BICRA: variants seen among roughly 807,000 people sequenced by gnomAD.
The protein encoded by BICRA is BRD4-interacting chromatin-remodeling complex-associated protein.
A neutral mutation model predicts 96.9 loss-of-function variants in BICRA; 31 were observed. The observed-to-expected ratio is 0.32, with a 90% confidence interval of 0.24 to 0.43. The LOEUF (loss-of-function observed/expected upper bound fraction) is 0.43, where lower values mean the gene tolerates loss of function less well. BICRA is among the 20% of genes least tolerant of loss of function. The pLI, the probability that BICRA is intolerant of heterozygous loss-of-function variation, is 1.00. For synonymous variants in BICRA, 1,350 were observed against 1,071.8 expected, an observed-to-expected ratio of 1.26 and a Z score of -5.07; for missense variants, 2,283 against 2,190.3, an observed-to-expected ratio of 1.04 and a Z score of -0.84.
intron 2 of BICRA, 130 bp from the exon 3 acceptor site, chr19:47,673,440 A>C (rs1416010929): frequency 2.8e-6 from 2 of 725,824 alleles, no homozygotes; most frequent in Non-Finnish European, 4.9e-6. Flanking sequence ...GTCCCCATCT[A>C]TCCCCATGGA....
Position 47,617,450 on chromosome 19 carries a change from G to T in BICRA, c.-108+8282G>T, listed in dbSNP as rs568323851. Among the ~76,000 whole-genome samples, 8 of 151,544 alleles carry T rather than the reference G, an allele frequency of 5.3e-5. No homozygotes were observed. The East Asian group carries it at 1.6e-3, about 29-fold the overall frequency. ...GCCATATCGGCTCACTGCAACCTCC[G>T]CCTCCCAGGCTCCAGCAGTTCTCGT... is the stretch of plus-strand genomic sequence containing the variant. On this transcript the variant is annotated intron_variant, in intron 1 of 14. Transcript: ENST00000594866.
chr19:47,610,189 G>GGGAGGGATGGAGGAGGAGGGA (rs1486697862), intron 1 of BICRA, among the ~76,000 whole-genome samples: 1 of 152,230 alleles, frequency 6.6e-6, no homozygotes, highest in Non-Finnish European at 1.5e-5. Context: ...GGCACCCGGA[G>GGGAGGGATGGAGGAGGAGGGA]GGAGGGATGG....
chr19:47,685,780 T>TGCGCGC (rs1356497911), intron 7 of BICRA, among the ~76,000 whole-genome samples: 48 of 131,294 alleles, frequency 3.7e-4, no homozygotes, highest in East Asian at 3.0e-3. Context: ...TGTGTGTGTG[T>TGCGCGC]GTGTGTGCGC....
intron 1 of BICRA, among the ~76,000 whole-genome samples, chr19:47,649,767 A>G (rs1398140809): frequency 1.3e-5 from 2 of 152,196 alleles, no homozygotes; most frequent in African/African-American, 4.8e-5. Flanking sequence ...GTGGAAGGAG[A>G]TGAAATCAGA....
At chr19:47,622,745 AAATT>A in intron 1 of BICRA, among the ~76,000 whole-genome samples, 1 of 142,932 alleles carries the variant, frequency 7.0e-6, no homozygotes, top group Non-Finnish European at 1.5e-5. Context: ...AAAAAAAAAA[AAATT>A]TAGGAGTGGG....
Position 47,639,319 on chromosome 19 carries a change from ATTTTTTTTTT to A in BICRA, c.-108+30167_-108+30176del, listed in dbSNP as rs35509834. Among the ~76,000 whole-genome samples, 6 of 52,378 alleles carry A rather than the reference ATTTTTTTTTT, an allele frequency of 1.1e-4. No homozygotes were observed. In the Admixed American group the frequency reaches 1.9e-3, roughly 17 times the overall value. 34.4% of individuals were successfully genotyped at this position (52,378 alleles called of 152,430 possible). A position where few individuals can be genotyped will look rare whatever the true frequency, so the allele number is the denominator to read the frequency against. On this transcript the variant is annotated intron_variant, in intron 1 of 14. Transcript: ENST00000594866. ...CATGATGCCTTGCACCCCACCCTGCATTTTTTTTTTTTTTTTTTTTTTTTTGAGACAGAGT... is the reference window on the plus strand; with the variant it reads ...CATGATGCCTTGCACCCCACCCTGCATTTTTTTTTTTTTTTGAGACAGAGT...
Position 47,694,988 on chromosome 19 carries a change from C to T in BICRA, c.2984C>T (p.Pro995Leu). 2 of 1,551,338 alleles carry T rather than the reference C, an allele frequency of 1.3e-6. No homozygotes were observed. Among genetic ancestry groups the T allele is most frequent in the Non-Finnish European group, 1.7e-6 (2 of 1,157,102 alleles). The change falls in exon 9 of 15, where the codon CCC becomes CTC. Residue 995 changes from proline (P) to leucine (L), a missense_variant. By Grantham distance (98) the Pro-to-Leu change is moderately conservative. Transcript: ENST00000594866. ...TSTSLGPLTS[P>L]AASVLVSGQA... Reference sequence around the variant, plus strand: ...ACCAGCCTGGGGCCCCTCACCAGCCCCGCTGCGTCTGTGCTGGTCAGTGGG... The same window carrying T: ...ACCAGCCTGGGGCCCCTCACCAGCCTCGCTGCGTCTGTGCTGGTCAGTGGG...
At position 47,698,361 on chromosome 19, in the gene BICRA, T is replaced by G. The variant is rs117095708; in HGVS notation, c.3249-273T>G. Among the ~76,000 whole-genome samples, 2,962 of 152,258 alleles carry G rather than the reference T, an allele frequency of 0.019. 49 individuals carry two copies. Among genetic ancestry groups the G allele is most frequent in the Non-Finnish European group, 0.025 (1,689 of 68,000 alleles). On this transcript the variant is annotated intron_variant, in intron 11 of 14. Transcript: ENST00000594866. The surrounding 1 kb of genome is among the most constrained non-coding windows in gnomAD (Gnocchi z 4.8). ...ACTTCCCGCTCTGCTCTTCCTCCCT[T>G]ACGTGCTTTGGAGAGGAGTGACTTC...
chr19:47,697,575 T>C (rs1004533445), intron 11 of BICRA, among the ~76,000 whole-genome samples: 3 of 152,086 alleles, frequency 2.0e-5, no homozygotes, highest in Admixed American at 2.0e-4. Context: ...CCTCCTGGGT[T>C]CAAGTGATTC....
chr19:47,696,753 C>T (rs1451030628), intron 11 of BICRA, among the ~76,000 whole-genome samples: 1 of 152,174 alleles, frequency 6.6e-6, no homozygotes, highest in East Asian at 1.9e-4. Context: ...AGGAGGGCGG[C>T]AGTTTGGTCC....
At chr19:47,645,790 A>G (rs545609821) in intron 1 of BICRA, among the ~76,000 whole-genome samples, 2 of 152,282 alleles carry the variant, frequency 1.3e-5, no homozygotes, top group African/African-American at 2.4e-5. Flanking sequence ...CAGGAGAGAC[A>G]TATTTTGAGA....
intron 1 of BICRA, among the ~76,000 whole-genome samples, chr19:47,654,637 G>A (rs1033373523): frequency 8.6e-5 from 13 of 151,918 alleles, no homozygotes; most frequent in African/African-American, 3.1e-4. Context: ...ACCTGCTACC[G>A]TCTTGCTATT....
chr19:47,646,139 C>A (rs1281363385), intron 1 of BICRA, among the ~76,000 whole-genome samples: 1 of 151,960 alleles, frequency 6.6e-6, no homozygotes, highest in Non-Finnish European at 1.5e-5. Context: ...AAACTCAGGG[C>A]AGGGGGGCGT....
chr19:47,698,951 T>G lies in BICRA; in HGVS notation c.3398-14T>G. On this transcript the variant is annotated splice_polypyrimidine_tract_variant and intron_variant, in intron 12 of 14. Transcript: ENST00000594866. The surrounding 1 kb of genome is among the most constrained non-coding windows in gnomAD (Gnocchi z 4.8). ...CCAACATCTCCGCCCTTGCCTCTCT[T>G]CCCTTCCTCGCAGTGGACGAGGAGT... 6.4e-7 allele frequency: 1 copy of G among 1,559,758 alleles called. No homozygotes were observed. Among genetic ancestry groups the G allele is most frequent in the African/African-American group, 1.4e-5 (1 of 73,496 alleles).
rs1303951301 is a variant in BICRA at position 47,648,683 on chromosome 19, G to GTT, written c.-107-21748_-107-21747dup. On this transcript the variant is annotated intron_variant, in intron 1 of 14. Coordinates refer to ENST00000594866, the MANE Select transcript of BICRA (RefSeq NM_001394372.1). ...GGTCAGGAGTTTTTTTTTTTTGTTT[G>GTT]TTTTTTTTTTTTTGAGACAGAGTCT... Among the ~76,000 whole-genome samples the GTT allele has an allele frequency of 8.4e-4, 117 of 138,764 alleles. 2 individuals carry two copies. In the East Asian group the frequency reaches 0.023, roughly 27 times the overall value. The allele number at this position is 138,764 out of a possible 152,430, so 91.0% of individuals were successfully genotyped here.
chr19:47,687,931 C>T (rs7246316), intron 7 of BICRA, among the ~76,000 whole-genome samples: 1 of 151,960 alleles, frequency 6.6e-6, no homozygotes, highest in Non-Finnish European at 1.5e-5. Context: ...AGCTTTCCAG[C>T]CATTTTGTGG....
chr19:47,667,102 T>TCCG (rs1972791811), intron 1 of BICRA, among the ~76,000 whole-genome samples: 1 of 150,308 alleles, frequency 6.7e-6, no homozygotes, highest in African/African-American at 2.5e-5. Context: ...CACTGCAACC[T>TCCG]CCGCCTCCCG....
At chr19:47,643,429 C>G (rs1464146743) in intron 1 of BICRA, among the ~76,000 whole-genome samples, 1 of 152,200 alleles carries the variant, frequency 6.6e-6, no homozygotes, top group Non-Finnish European at 1.5e-5. Context: ...GCGGCTCAGT[C>G]CAGGCCCTGG....
chr19:47,694,947 C>T lies in BICRA; in HGVS notation c.2943C>T (p.Ala981=), dbSNP rs10415283. 1,212 of 1,541,250 alleles carry T rather than the reference C, an allele frequency of 7.9e-4. 8 individuals are homozygous for T. The African/African-American group carries it at 0.015, about 18-fold the overall frequency. The change falls in exon 9 of 15, where the codon GCC becomes GCT. Residue 981 remains alanine (A), a synonymous_variant. Coordinates refer to ENST00000594866, the MANE Select transcript of BICRA (RefSeq NM_001394372.1). ...AGAACAAGGCTGGGGGGGCCCCTGC[C>T]GCCCCGCAGACCTCCACCAGCCTGG... ...ILQNKAGGAP[A]APQTSTSLGP... is the part of the protein sequence containing the mutation.
Sources: gnomAD v4.1 joint callset for allele counts (sites outside exome capture counted in the v4.1 genomes callset) on GRCh38, gnomAD v4.1.1 for gene constraint, Gnocchi (gnomAD v3.1) non-coding constraint, MANE v1.5 for transcripts, NCBI Gene and HGNC (gene_info 2026-07-23, HGNC 2026-07-21) for gene names.